Variants in EPHA6 observed in about 807,000 individuals in gnomAD.
The protein encoded by EPHA6 is ephrin type-A receptor 6.
A neutral mutation model predicts 112.0 loss-of-function variants in EPHA6; 50 were observed. The ratio of observed to expected loss-of-function variants is 0.45; its 90% CI spans 0.36 to 0.56. The LOEUF (loss-of-function observed/expected upper bound fraction) is 0.56. Ranked by LOEUF, EPHA6 falls within the 20% of genes least tolerant of loss-of-function variation. The pLI, the probability that EPHA6 is intolerant of heterozygous loss-of-function variation, is 0.00. For synonymous variants in EPHA6, 529 were observed against 490.7 expected, an observed-to-expected ratio of 1.08 and a Z score of -1.03; for missense variants, 1,280 against 1,417.4, an observed-to-expected ratio of 0.90 and a Z score of 1.56.
At chr3:97,187,510 G>T (rs2077172380) in intron 3 of EPHA6, among the ~76,000 whole-genome samples, 1 of 150,888 alleles carries the variant, frequency 6.6e-6, no homozygotes, top group Non-Finnish European at 1.5e-5. Context: ...GGCAGAGGTT[G>T]CAGTGAGCCA....
chr3:96,940,721 T>C (rs9843351), intron 2 of EPHA6, among the ~76,000 whole-genome samples: 7,281 of 152,278 alleles, frequency 0.048, 508 homozygotes, highest in African/African-American at 0.15. Context: ...TGGCATGTTT[T>C]TGTAGTGGCT....
intron 3 of EPHA6, among the ~76,000 whole-genome samples, chr3:97,066,905 T>C (rs770058056): frequency 1.3e-5 from 2 of 152,130 alleles, no homozygotes; most frequent in Non-Finnish European, 2.9e-5. Context: ...ATTATGATGA[T>C]AAATCAAAGT....
chr3:96,938,010 G>C (rs1204787912), intron 2 of EPHA6, among the ~76,000 whole-genome samples: 1 of 152,120 alleles, frequency 6.6e-6, no homozygotes, highest in Admixed American at 6.6e-5. Flanking sequence ...GGTTACTGTA[G>C]CCTTGTAGTA....
intron 11 of EPHA6, chr3:97,572,548 A>C (rs1381173373): frequency 6.6e-6 from 1 of 152,176 alleles, no homozygotes; most frequent in African/African-American, 2.4e-5. Flanking sequence ...ACTCTTGGTA[A>C]TATGAGCCCT....
At chr3:97,001,357 C>T (rs1179350639) in intron 3 of EPHA6, among the ~76,000 whole-genome samples, 2 of 151,708 alleles carry the variant, frequency 1.3e-5, no homozygotes, top group Non-Finnish European at 2.9e-5. Flanking sequence ...TGGACATAAA[C>T]TCGGATATAA....
chr3:97,708,610 A>G (rs1219208485), intron 14 of EPHA6, among the ~76,000 whole-genome samples: 2 of 152,248 alleles, frequency 1.3e-5, no homozygotes, highest in East Asian at 3.8e-4. Context: ...GAGAGGTCAA[A>G]TGTTAATCGC....
chr3:96,978,486 T>A (rs2042621235), intron 2 of EPHA6, among the ~76,000 whole-genome samples: 1 of 152,188 alleles, frequency 6.6e-6, no homozygotes, highest in South Asian at 2.1e-4. Context: ...TTCCATAGGC[T>A]TTTAGATCTA....
At chr3:97,562,576 A>T (rs763814991) in intron 11 of EPHA6, among the ~76,000 whole-genome samples, 5 of 152,298 alleles carry the variant, frequency 3.3e-5, no homozygotes, top group South Asian at 2.1e-4. Flanking sequence ...TTTCTTGAGG[A>T]TGAAATCTAC....
intron 3 of EPHA6, among the ~76,000 whole-genome samples, chr3:97,042,245 T>C (rs1338746020): frequency 6.6e-6 from 1 of 151,980 alleles, no homozygotes; most frequent in Non-Finnish European, 1.5e-5. Flanking sequence ...ATCTGGTCGT[T>C]TAAAAGTATG....
intron 3 of EPHA6, among the ~76,000 whole-genome samples, chr3:97,203,356 A>G (rs1291584792): frequency 6.6e-6 from 1 of 152,086 alleles, no homozygotes; most frequent in Non-Finnish European, 1.5e-5. Context: ...GGTTAGAGCC[A>G]CAGGAACTCA....
At chr3:97,508,143 T>C (rs1045985314) in intron 10 of EPHA6, among the ~76,000 whole-genome samples, 1 of 152,132 alleles carries the variant, frequency 6.6e-6, no homozygotes, top group Non-Finnish European at 1.5e-5. Context: ...TTTTGAAGTA[T>C]TTTTTGTGTC....
intron 14 of EPHA6, among the ~76,000 whole-genome samples, chr3:97,660,410 T>C (rs1190241181): frequency 6.6e-6 from 1 of 152,090 alleles, no homozygotes; most frequent in Non-Finnish European, 1.5e-5. Flanking sequence ...ATCTAAACTG[T>C]GTAATTTGAA....
At chr3:97,220,338 G>A (rs1254114590) in intron 3 of EPHA6, among the ~76,000 whole-genome samples, 4 of 152,062 alleles carry the variant, frequency 2.6e-5, no homozygotes, top group Admixed American at 6.5e-5. Flanking sequence ...CATTTCCAAA[G>A]ACGCTTCCAC....
chr3:96,902,974 A>T (rs1156946910), intron 2 of EPHA6, among the ~76,000 whole-genome samples: 1 of 152,242 alleles, frequency 6.6e-6, no homozygotes, highest in African/African-American at 2.4e-5. Context: ...AATGAGCAAG[A>T]AAATAATCAC....
At chr3:97,516,778 T>C (rs562887977) in intron 10 of EPHA6, among the ~76,000 whole-genome samples, 47 of 152,252 alleles carry the variant, frequency 3.1e-4, no homozygotes, top group African/African-American at 1.1e-3. Context: ...ATAAAAAAGA[T>C]GAAACTGAAG....
In EPHA6 at chr3:97,448,750, A is replaced by G. The variant is rs770653872; in HGVS notation, c.1894+20A>G. Reference sequence around the variant, plus strand: ...ATGAAAGTAAGTTTCACACAAGGATATAACATAAGATGTGAATTTAGTATC... The same window carrying G: ...ATGAAAGTAAGTTTCACACAAGGATGTAACATAAGATGTGAATTTAGTATC... On this transcript the variant is annotated intron_variant, in intron 7 of 17. Transcript: ENST00000389672. 1.7e-5 allele frequency: 27 copies of G among 1,611,124 alleles called. No individual in the cohort carries two copies. The highest frequency in any genetic ancestry group is 2.3e-5 in the Non-Finnish European group (27 of 1,177,694).
At chr3:96,918,716 A>G (rs1158336996) in intron 2 of EPHA6, among the ~76,000 whole-genome samples, 1 of 152,056 alleles carries the variant, frequency 6.6e-6, no homozygotes, top group Non-Finnish European at 1.5e-5. Context: ...ACATATAGGA[A>G]GGTATAACTA....
intron 3 of EPHA6, among the ~76,000 whole-genome samples, chr3:96,992,238 A>G (rs1321925227): frequency 6.6e-6 from 1 of 152,180 alleles, no homozygotes; most frequent in Non-Finnish European, 1.5e-5. Flanking sequence ...ACCTTTTAGT[A>G]TCCCCATTAA....
At position 96,987,836 on chromosome 3, in the gene EPHA6, T is replaced by A. The variant is rs752126310; in HGVS notation, c.957T>A (p.Asp319Glu). The A allele has an allele frequency of 2.1e-5, 34 of 1,613,838 alleles. No homozygotes were observed. The highest frequency in any genetic ancestry group is 2.4e-5 in the Non-Finnish European group (28 of 1,179,872). ...TTCCTGATACCATTCCAAGGGTTGA[T>A]TCCTCCTCTTTGGTTGAAGTACGGG... ...AMFPDTIPRV[D>E]SSSLVEVRGS... is the part of the protein sequence containing the mutation. The change falls in exon 3 of 18, where the codon GAT becomes GAA. Residue 319 changes from aspartate (D) to glutamate (E), a missense_variant. Asp to Glu is a conservative substitution (Grantham distance 45). Transcript: ENST00000389672.
Sources: gnomAD v4.1 joint callset for allele counts (sites outside exome capture counted in the v4.1 genomes callset) on GRCh38, gnomAD v4.1.1 for gene constraint, MANE v1.5 for transcripts, NCBI Gene and HGNC (gene_info 2026-07-23, HGNC 2026-07-21) for gene names.